Variants in PCDH15 observed in about 807,000 individuals in gnomAD.
The protein encoded by PCDH15 is protocadherin related 15.
A neutral mutation model predicts 178.5 loss-of-function variants in PCDH15; 129 were observed. That is an observed-to-expected ratio of 0.72 (90% CI 0.63 to 0.84). The LOEUF (loss-of-function observed/expected upper bound fraction) is 0.84. Among genes scored for constraint, PCDH15 ranks in the 40% least tolerant of loss-of-function variants. The pLI is 0.00. For missense variants in PCDH15, 2,230 were observed against 2,099.9 expected (o/e 1.06, Z -1.21); for synonymous variants, 800 against 732.0 (o/e 1.09, Z -1.50).
chr10:54,010,437 T>A (rs539258560), intron 20 of PCDH15, among the ~76,000 whole-genome samples: 1 of 152,222 alleles, frequency 6.6e-6, no homozygotes, highest in East Asian at 1.9e-4. Context: ...CAGTCCTCAT[T>A]CCTGTTGCCC....
chr10:55,340,793 T>C (rs1359306895), intron 2 of PCDH15, among the ~76,000 whole-genome samples: 4 of 152,108 alleles, frequency 2.6e-5, no homozygotes, highest in Non-Finnish European at 5.9e-5. Context: ...AAATGAGTTT[T>C]ATGTAACAAA....
At chr10:55,286,453 T>A (rs992574770) in intron 1 of PCDH15, among the ~76,000 whole-genome samples, 2 of 151,842 alleles carry the variant, frequency 1.3e-5, no homozygotes, top group East Asian at 1.9e-4. Flanking sequence ...AACTTTATAA[T>A]GAAAACCTCA....
chr10:53,950,452 C>T (rs115831500), intron 23 of PCDH15, among the ~76,000 whole-genome samples: 2,573 of 152,120 alleles, frequency 0.017, 75 homozygotes, highest in African/African-American at 0.058. Flanking sequence ...AAACAAAGGC[C>T]TACCTATATA....
chr10:54,104,706 G>A lies in PCDH15; in HGVS notation c.1918-14643C>T, dbSNP rs539731114. Among the ~76,000 whole-genome samples, 17 of 151,864 alleles carry A rather than the reference G, an allele frequency of 1.1e-4. No individual in the cohort carries two copies. In the East Asian group the frequency reaches 1.6e-3, roughly 14 times the overall value. On this transcript the variant is annotated intron_variant, in intron 15 of 37. Transcript: ENST00000644397. The stretch of plus-strand genomic sequence containing the variant: ...CAAAAAATTAGCTGGGCGTGGTGGC[G>A]GGCGCCTGTAGTCCCAGCTACTCAG...
intron 8 of PCDH15, among the ~76,000 whole-genome samples, chr10:54,242,113 T>C (rs918483728): frequency 6.7e-5 from 8 of 119,874 alleles, no homozygotes; most frequent in African/African-American, 2.1e-4. Flanking sequence ...AATGAACTTT[T>C]GGTCTGAATT....
Position 54,391,273 on chromosome 10 carries a change from A to C in PCDH15, c.158-12331T>G, listed in dbSNP as rs1335607135. ...GTCATTTGAGTAATTGTGATGCCACACCTGGCAAAAATTAGCCACATGCTA... is the reference window on the plus strand; with the variant it reads ...GTCATTTGAGTAATTGTGATGCCACCCCTGGCAAAAATTAGCCACATGCTA... On this transcript the variant is annotated intron_variant, in intron 3 of 37. Coordinates refer to ENST00000644397, the MANE Select transcript of PCDH15 (RefSeq NM_001384140.1). 2.0e-5 allele frequency among the ~76,000 whole-genome samples: 3 copies of C among 152,156 alleles called. No individual in the cohort carries two copies. In the South Asian group the frequency reaches 6.2e-4, roughly 32 times the overall value.
intron 2 of PCDH15, among the ~76,000 whole-genome samples, chr10:55,153,035 G>T (rs1838780088): frequency 6.6e-6 from 1 of 151,610 alleles, no homozygotes; most frequent in African/African-American, 2.4e-5. Flanking sequence ...ATTTTTTAAA[G>T]ATACAAAATA....
intron 28 of PCDH15, among the ~76,000 whole-genome samples, chr10:53,849,869 A>C: frequency 6.7e-6 from 1 of 150,298 alleles, no homozygotes; most frequent in African/African-American, 2.4e-5. Flanking sequence ...TCAAAAAAAA[A>C]AAAAAAAAAA....
chr10:55,068,236 C>T (rs1173602300), intron 2 of PCDH15, among the ~76,000 whole-genome samples: 3 of 151,820 alleles, frequency 2.0e-5, no homozygotes, highest in Non-Finnish European at 2.9e-5. Context: ...AGTTTCAGAT[C>T]TTATGTTTAA....
At chr10:54,145,418 T>C (rs1467419080) in intron 14 of PCDH15, among the ~76,000 whole-genome samples, 1 of 152,146 alleles carries the variant, frequency 6.6e-6, no homozygotes, top group Non-Finnish European at 1.5e-5. Context: ...ATTACTGTTT[T>C]TGTTTTCCTT....
chr10:54,694,519 A>C (rs1430102995), intron 1 of PCDH15, among the ~76,000 whole-genome samples: 1 of 152,122 alleles, frequency 6.6e-6, no homozygotes, highest in East Asian at 1.9e-4. Context: ...GTGTCCAACA[A>C]ATCTATCGGC....
intron 8 of PCDH15, among the ~76,000 whole-genome samples, chr10:54,316,244 A>C (rs11004222): frequency 0.26 from 39,363 of 151,992 alleles, 6,379 homozygotes; most frequent in Middle Eastern, 0.38. Flanking sequence ...ATCTGCTGTG[A>C]GAAAAACCAA....
chr10:54,036,250 C>A (rs1315687049), intron 18 of PCDH15, among the ~76,000 whole-genome samples: 10 of 151,940 alleles, frequency 6.6e-5, no homozygotes, highest in Non-Finnish European at 1.5e-4. Context: ...AACAGATTTC[C>A]AATGTAGATA....
chr10:54,440,035 T>C (rs1001173180), intron 3 of PCDH15, among the ~76,000 whole-genome samples: 3 of 152,046 alleles, frequency 2.0e-5, no homozygotes, highest in African/African-American at 7.2e-5. Context: ...AATGAAATTA[T>C]AGTAAATGGA....
chr10:55,286,245 A>G (rs1049525445), intron 1 of PCDH15, among the ~76,000 whole-genome samples: 3 of 151,958 alleles, frequency 2.0e-5, no homozygotes, highest in African/African-American at 7.2e-5. Flanking sequence ...TTAAAAAAAT[A>G]CTAAGCAACA....
At chr10:55,222,756 T>C (rs867573353) in intron 1 of PCDH15, among the ~76,000 whole-genome samples, 39,484 of 130,866 alleles carry the variant, frequency 0.3, 6,905 homozygotes, top group Middle Eastern at 0.41. Flanking sequence ...TATATATATA[T>C]ATATATATAT....
intron 3 of PCDH15, among the ~76,000 whole-genome samples, chr10:54,418,657 A>G (rs1482836748): frequency 6.6e-6 from 1 of 151,838 alleles, no homozygotes; most frequent in African/African-American, 2.4e-5. Flanking sequence ...CAAAAAATCT[A>G]ACTGTACTTA....
intron 2 of PCDH15, among the ~76,000 whole-genome samples, chr10:55,114,421 A>G (rs1036037536): frequency 1.3e-5 from 2 of 152,212 alleles, no homozygotes; most frequent in Admixed American, 1.3e-4. Context: ...AGTAAGGAAG[A>G]ATGATTAATA....
At chr10:54,106,423 C>A (rs1376644591) in intron 15 of PCDH15, among the ~76,000 whole-genome samples, 1 of 152,090 alleles carries the variant, frequency 6.6e-6, no homozygotes, top group African/African-American at 2.4e-5. Context: ...CAGACAGGGA[C>A]CAGAGAGAAA....
Sources: gnomAD v4.1 joint callset for allele counts (sites outside exome capture counted in the v4.1 genomes callset) on GRCh38, gnomAD v4.1.1 for gene constraint, MANE v1.5 for transcripts, NCBI Gene and HGNC (gene_info 2026-07-23, HGNC 2026-07-21) for gene names.